Variants in DDX60 observed in about 807,000 individuals in gnomAD.
The protein encoded by DDX60 is probable ATP-dependent RNA helicase DDX60.
Under a neutral mutation model 212.8 loss-of-function variants are expected in DDX60, and 165 were observed. The observed-to-expected ratio is 0.78, with a 90% confidence interval of 0.68 to 0.88. The LOEUF is 0.88. Ranked by LOEUF, DDX60 falls within the 40% of genes least tolerant of loss-of-function variation. DDX60 has a pLI of 0.00. For missense variants in DDX60, 1,905 were observed against 2,003.9 expected, an observed-to-expected ratio of 0.95 and a Z score of 0.94; for synonymous variants, 703 against 685.3, an observed-to-expected ratio of 1.03 and a Z score of -0.40.
rs759803152 is a variant in DDX60, at chr4:168,276,210, T to A, written c.1979-29A>T. The A allele has an allele frequency of 5.9e-6, 9 of 1,537,618 alleles. 1 individual carries two copies. The South Asian group carries it at 1.1e-4, about 18-fold the overall frequency. ...GATAAACAATAAACAATAAAATTGTTATAAAGACCATCAAAAATAATTCAT... is the reference window on the plus strand; with the variant it reads ...GATAAACAATAAACAATAAAATTGTAATAAAGACCATCAAAAATAATTCAT... On this transcript the variant is annotated intron_variant, in intron 14 of 37. Coordinates refer to ENST00000393743, the MANE Select transcript of DDX60 (RefSeq NM_017631.6).
At chr4:168,220,836 A>G in intron 36 of DDX60, 119 bp from the exon 37 acceptor site, 1 of 470,222 alleles carries the variant, frequency 2.1e-6, no homozygotes, top group Admixed American at 4.3e-5. Context: ...ATCTCTTTCC[A>G]AAAATTATTT....
At chr4:168,323,603 G>A (rs566037456), upstream of DDX60, among the ~76,000 whole-genome samples, 2 of 152,282 alleles carry the variant, frequency 1.3e-5, no homozygotes, top group South Asian at 4.1e-4. Context: ...ATTCATTAAT[G>A]TCTAGAACTC....
At chr4:168,238,351 G>C (rs1433700340) in intron 30 of DDX60, among the ~76,000 whole-genome samples, 2 of 143,730 alleles carry the variant, frequency 1.4e-5, no homozygotes, top group African/African-American at 5.2e-5. Context: ...AAGGTTAATG[G>C]ACTAGGAGGA....
At chr4:168,231,657 C>A (rs2149493818) in intron 33 of DDX60, among the ~76,000 whole-genome samples, 1 of 151,932 alleles carries the variant, frequency 6.6e-6, no homozygotes, top group African/African-American at 2.4e-5. Context: ...TTGACAAAAT[C>A]CAGCATCCCT....
chr4:168,267,717 A>ATTGATGTGGAAATT, intron 21 of DDX60, 26 bp from the exon 22 acceptor site: 1 of 1,555,720 alleles, frequency 6.4e-7, no homozygotes, highest in Non-Finnish European at 8.7e-7. Context: ...AAGAATTTCC[A>ATTGATGTGGAAATT]CATCAATGGA....
At chr4:168,275,534 T>TTA in intron 15 of DDX60, 31 bp from the exon 16 acceptor site, 1 of 1,546,130 alleles carries the variant, frequency 6.5e-7, no homozygotes, top group Non-Finnish European at 8.8e-7. Flanking sequence ...ATTTTGAAAA[T>TTA]GACATTGAAT....
At chr4:168,296,411 T>C (rs926211500) in intron 6 of DDX60, among the ~76,000 whole-genome samples, 1 of 152,050 alleles carries the variant, frequency 6.6e-6, no homozygotes, top group African/African-American at 2.4e-5. Context: ...GAAGTATCCT[T>C]TGGCAATTAA....
chr4:168,221,615 G>T, intron 36 of DDX60, 115 bp downstream of exon 36: 3 of 1,138,248 alleles, frequency 2.6e-6, no homozygotes, highest in Non-Finnish European at 3.6e-6. Context: ...TGTTTAGTAT[G>T]ATTTAACCTG....
chr4:168,271,308 T>C (rs1005434770), intron 19 of DDX60, among the ~76,000 whole-genome samples: 1 of 152,220 alleles, frequency 6.6e-6, no homozygotes, highest in Non-Finnish European at 1.5e-5. Context: ...CATAGACACT[T>C]CGTCAAAAGG....
At chr4:168,217,604 G>C (rs1159459356) in intron 37 of DDX60, among the ~76,000 whole-genome samples, 1 of 151,924 alleles carries the variant, frequency 6.6e-6, no homozygotes, top group African/African-American at 2.4e-5. Context: ...GCGAATTAAA[G>C]TTGCGAATCA....
At chr4:168,275,269 G>C in intron 16 of DDX60, 76 bp downstream of exon 16, 1 of 1,294,862 alleles carries the variant, frequency 7.7e-7, no homozygotes, top group Non-Finnish European at 1.0e-6. Flanking sequence ...AACATGTACA[G>C]CCACAATAAT....
intron 11 of DDX60, 119 bp from the exon 12 acceptor site, chr4:168,285,054 G>T: frequency 1.7e-6 from 1 of 576,678 alleles, no homozygotes; most frequent in Non-Finnish European, 3.0e-6. Context: ...GCAATATGAT[G>T]TGGGTGGTAG....
intron 16 of DDX60, among the ~76,000 whole-genome samples, chr4:168,274,679 C>A (rs1472678094): frequency 6.6e-6 from 1 of 152,152 alleles, no homozygotes; most frequent in African/African-American, 2.4e-5. Flanking sequence ...AGCATTAGTG[C>A]CTCTAGTCCT....
Position 168,267,881 on chromosome 4 carries a change from T to A in DDX60, c.2889A>T (p.Lys963Asn). Residue 963 changes from lysine to asparagine, a missense_variant, in exon 21 of 38, where the codon AAA (lysine) becomes AAT (asparagine). Transcript: ENST00000393743. ...ACGATTGTTTTACTTGCAAGTAGTC[T>A]TTGGGAAAGCCGGCCTGACGACCCA... Reference protein sequence around the residue: ...RHVGRQAGFPKDYLQVKQSYK... With the variant: ...RHVGRQAGFPNDYLQVKQSYK... 1 of 1,613,554 alleles carries A rather than the reference T, an allele frequency of 6.2e-7. No homozygotes were observed. Among genetic ancestry groups the A allele is most frequent in the Non-Finnish European group, 8.5e-7 (1 of 1,179,696 alleles).
chr4:168,248,129 T>C, intron 29 of DDX60, 59 bp downstream of exon 29: 1 of 1,122,134 alleles, frequency 8.9e-7, no homozygotes, highest in Non-Finnish European at 1.3e-6. Context: ...TCACATGTTT[T>C]ACTACGCTAT....
At position 168,293,925 on chromosome 4, in the gene DDX60, C is replaced by A; in HGVS notation, c.744G>T (p.Leu248=). Residue 248 remains leucine, a synonymous_variant, in exon 7 of 38, where the codon CTG becomes CTT. Coordinates refer to ENST00000393743, the MANE Select transcript of DDX60 (RefSeq NM_017631.6). ...ATCCTTCTGGCCAGACTTGTGTAAG[C>A]AGAGATACAGTCTTGTGTGCCTGTC... The part of the protein sequence containing the change: ...ITEEAHKTVS[L]LTQVWPEGSD... 1.2e-6 allele frequency: 2 copies of A among 1,612,174 alleles called. No individual in the cohort carries two copies. The highest frequency in any genetic ancestry group is 1.7e-6 in the Non-Finnish European group (2 of 1,179,524).
At chr4:168,227,098 T>C (rs1733283207) in intron 33 of DDX60, among the ~76,000 whole-genome samples, 1 of 152,102 alleles carries the variant, frequency 6.6e-6, no homozygotes, top group Non-Finnish European at 1.5e-5. Flanking sequence ...CATGCATATT[T>C]AAGATATACA....
Position 168,252,532 on chromosome 4 carries a change from C to T in DDX60, c.3682G>A (p.Asp1228Asn). ...LEIPQDCTYA[D>N]QKAVDTETLQ... ...ACCTCAGTGTCCACTGCTTTTTGAT[C>T]AGCATATGTGCAGTCCTGTGGGATT... Residue 1228 changes from aspartate to asparagine, a missense_variant, in exon 27 of 38, where the codon GAT becomes AAT. By Grantham distance (23) the Asp-to-Asn change is conservative (BLOSUM62 1). Transcript: ENST00000393743. 2 of 1,613,514 alleles carry T rather than the reference C, an allele frequency of 1.2e-6. No individual in the cohort carries two copies. The highest frequency in any genetic ancestry group is 1.7e-4 in the Middle Eastern group (1 of 6,056).
intron 30 of DDX60, among the ~76,000 whole-genome samples, chr4:168,241,028 A>G (rs926041921): frequency 6.6e-6 from 1 of 152,204 alleles, no homozygotes; most frequent in African/African-American, 2.4e-5. Flanking sequence ...CAGTTCTCCT[A>G]ATAGTGAATA....
Sources: allele counts gnomAD v4.1 joint callset (sites outside exome capture counted in the v4.1 genomes callset), GRCh38; gene constraint gnomAD v4.1.1; transcripts MANE v1.5; gene names NCBI Gene and HGNC (gene_info 2026-07-23, HGNC 2026-07-21).